Variants in CFAP44 observed in about 807,000 individuals in gnomAD.
CFAP44 encodes the protein cilia- and flagella-associated protein 44.
Under a neutral mutation model 216.2 loss-of-function variants are expected in CFAP44, and 134 were observed. That is an observed-to-expected ratio of 0.62 (90% CI 0.54 to 0.72). CFAP44 has a LOEUF of 0.72. CFAP44 is among the 30% of genes least tolerant of loss of function. The pLI is 0.00. For missense variants in CFAP44, 2,035 were observed against 2,182.1 expected (o/e 0.93, Z 1.34); for synonymous variants, 700 against 727.6 (o/e 0.96, Z 0.61).
intron 22 of CFAP44, among the ~76,000 whole-genome samples, chr3:113,350,527 A>G (rs907277185): frequency 3.3e-5 from 5 of 152,236 alleles, no homozygotes; most frequent in African/African-American, 1.2e-4. Flanking sequence ...TTTAAAACCT[A>G]TAATTGATAA....
At chr3:113,343,287 T>C (rs1950352272) in intron 23 of CFAP44, among the ~76,000 whole-genome samples, 1 of 152,100 alleles carries the variant, frequency 6.6e-6, no homozygotes, top group South Asian at 2.1e-4. Flanking sequence ...GGCCTCGGAC[T>C]CCTGACCTCA....
intron 28 of CFAP44, among the ~76,000 whole-genome samples, chr3:113,312,143 C>T (rs1374923916): frequency 1.3e-5 from 2 of 150,082 alleles, no homozygotes; most frequent in Non-Finnish European, 3.0e-5. Context: ...ACCATTGCCA[C>T]TCACTGCAAG....
chr3:113,367,357 T>C (rs1021769381), intron 18 of CFAP44, among the ~76,000 whole-genome samples: 2 of 152,136 alleles, frequency 1.3e-5, no homozygotes, highest in Non-Finnish European at 2.9e-5. Flanking sequence ...ATGAAGCTTC[T>C]AGAGGAAGGA....
rs186037743 is a variant in CFAP44 at position 113,291,587 on chromosome 3, T to C, written c.5535A>G (p.Arg1845=). ...GGTCTGCGGGCTGTATCTCTTTCTC[T>C]CGTGGAGACTGAATGGGTGGGAGGA... The part of the protein sequence containing the change: ...SLILPPIQSP[R]EKEIQPADL The change falls in exon 35 of 35, where the codon CGA becomes CGG. Residue 1845 remains arginine (R), a synonymous_variant. Coordinates refer to ENST00000393845, the MANE Select transcript of CFAP44 (RefSeq NM_001164496.2). The C allele has an allele frequency of 3.6e-4, 547 of 1,537,242 alleles. 5 individuals are homozygous for C. The African/African-American group carries it at 5.0e-3, about 14-fold the overall frequency.
At chr3:113,344,845 T>C in intron 22 of CFAP44, 133 bp from the exon 23 acceptor site, 1 of 771,062 alleles carries the variant, frequency 1.3e-6, no homozygotes, top group Non-Finnish European at 1.9e-6. Context: ...AATTTTAACA[T>C]ATATATACCA....
rs925329369 is a variant in CFAP44, at chr3:113,287,116, C to T, written c.*4441G>A. 3.0e-5 allele frequency: 15 copies of T among 501,340 alleles called. No individual in the cohort carries two copies. Among genetic ancestry groups the T allele is most frequent in the South Asian group, 1.4e-4 (9 of 63,910 alleles). The allele number at this position is 501,340 out of a possible 1,614,324, so 31.1% of individuals were successfully genotyped here. A position where few individuals can be genotyped will look rare whatever the true frequency, so the allele number is the denominator to read the frequency against. ...CCCAGGAAAGCACCGCACAGGCTGG[C>T]GCGGGACAGACTCCTAACCTGGGGC... On this transcript the variant is annotated 3_prime_UTR_variant, in exon 35 of 35. Coordinates refer to ENST00000393845, the MANE Select transcript of CFAP44 (RefSeq NM_001164496.2).
In CFAP44 at chr3:113,326,602, T is replaced by C. The variant is rs1950191694; in HGVS notation, c.4359A>G (p.Lys1453=). ...INETLKEMEE[K]KNEITKLQEQ... is the part of the protein sequence containing the mutation. ...CCTGGAGTTTGGTGATTTCATTCTT[T>C]TTCTCTTCCATCTCTTTAAGAGTTT... The change falls in exon 28 of 35, where the codon AAA becomes AAG. Residue 1453 remains lysine, a synonymous_variant. Transcript: ENST00000393845. 1 of 1,524,586 alleles carries C rather than the reference T, an allele frequency of 6.6e-7. No individual in the cohort carries two copies. The highest frequency in any genetic ancestry group is 8.7e-7 in the Non-Finnish European group (1 of 1,143,382). 94.4% of individuals were successfully genotyped at this position (1,524,586 alleles called of 1,614,324 possible). A position where few individuals can be genotyped will look rare whatever the true frequency, so the allele number is the denominator to read the frequency against.
chr3:113,322,290 A>T (rs1429466258), intron 28 of CFAP44, among the ~76,000 whole-genome samples: 9 of 152,240 alleles, frequency 5.9e-5, no homozygotes, highest in Admixed American at 5.9e-4. Context: ...CTATTTGATA[A>T]ATGGTGTTGG....
At chr3:113,301,529 G>A (rs1046262453) in intron 32 of CFAP44, among the ~76,000 whole-genome samples, 4 of 152,044 alleles carry the variant, frequency 2.6e-5, no homozygotes, top group African/African-American at 9.7e-5. Flanking sequence ...TATTTTAAAA[G>A]ATAATTATCT....
At chr3:113,367,324 A>T (rs1014021423) in intron 18 of CFAP44, among the ~76,000 whole-genome samples, 1 of 152,214 alleles carries the variant, frequency 6.6e-6, no homozygotes, top group Non-Finnish European at 1.5e-5. Context: ...CAGACACCTC[A>T]TACAGGCGGG....
intron 4 of CFAP44, among the ~76,000 whole-genome samples, chr3:113,421,016 A>G (rs1257743869): frequency 6.6e-6 from 1 of 152,198 alleles, no homozygotes; most frequent in East Asian, 1.9e-4. Flanking sequence ...TCAACTAAAG[A>G]GTTTCTGTAC....
intron 28 of CFAP44, among the ~76,000 whole-genome samples, chr3:113,314,751 G>A (rs1027420317): frequency 6.6e-6 from 1 of 152,096 alleles, no homozygotes; most frequent in South Asian, 2.1e-4. Context: ...TATAAATGGG[G>A]GAGGGTAAAG....
At chr3:113,349,399 C>T (rs576216609) in intron 22 of CFAP44, among the ~76,000 whole-genome samples, 3 of 152,132 alleles carry the variant, frequency 2.0e-5, no homozygotes, top group Admixed American at 2.0e-4. Flanking sequence ...TAATAGGTAC[C>T]AAGAGGAACA....
intron 22 of CFAP44, among the ~76,000 whole-genome samples, chr3:113,350,546 C>G (rs766775955): frequency 1.3e-5 from 2 of 152,192 alleles, no homozygotes; most frequent in African/African-American, 2.4e-5. Context: ...AATTGACAGT[C>G]TTCTCCATGA....
At chr3:113,357,648 G>A (rs910163347) in intron 22 of CFAP44, among the ~76,000 whole-genome samples, 3 of 152,164 alleles carry the variant, frequency 2.0e-5, no homozygotes, top group African/African-American at 7.2e-5. Flanking sequence ...CCAGTTTTAA[G>A]CCAATCAGTT....
intron 32 of CFAP44, among the ~76,000 whole-genome samples, chr3:113,302,457 T>TTAAAAAA (rs1949944738): frequency 2.6e-5 from 2 of 75,812 alleles, no homozygotes; most frequent in African/African-American, 8.6e-5. Context: ...CTAGACAAAG[T>TTAAAAAA]AAAAAAAAAA....
chr3:113,420,891 T>G (rs1934797305), intron 4 of CFAP44, among the ~76,000 whole-genome samples: 1 of 152,166 alleles, frequency 6.6e-6, no homozygotes, highest in African/African-American at 2.4e-5. Flanking sequence ...TTTTCTGAGC[T>G]TATTAGTATA....
At chr3:113,331,765 C>T (rs1304626959) in intron 25 of CFAP44, among the ~76,000 whole-genome samples, 1 of 152,040 alleles carries the variant, frequency 6.6e-6, no homozygotes, top group Non-Finnish European at 1.5e-5. Flanking sequence ...TCAAATACCA[C>T]ACAAACCTAA....
intron 3 of CFAP44, chr3:113,426,908 A>C (rs1376053128): frequency 3.8e-5 from 13 of 342,850 alleles, no homozygotes; most frequent in Non-Finnish European, 5.7e-5. Context: ...CTTCCAAAGG[A>C]AAGTTGAACT....
Sources: allele counts gnomAD v4.1 joint callset (sites outside exome capture counted in the v4.1 genomes callset), GRCh38; gene constraint gnomAD v4.1.1; transcripts MANE v1.5; gene names NCBI Gene and HGNC (gene_info 2026-07-23, HGNC 2026-07-21).